ZDHHC11B: variants seen among roughly 807,000 people sequenced by gnomAD.
ZDHHC11B encodes zDHHC palmitoyltransferase 11B (putative).
A neutral mutation model predicts 42.3 loss-of-function variants in ZDHHC11B; 17 were observed. The observed-to-expected ratio is 0.40, with a 90% CI of 0.27 to 0.60. The LOEUF (loss-of-function observed/expected upper bound fraction) is 0.60. ZDHHC11B is among the 20% of genes least tolerant of loss of function. The pLI is 0.41. For synonymous variants in ZDHHC11B, 123 were observed against 193.5 expected (o/e 0.64, Z 3.02); for missense variants, 262 against 463.2 (o/e 0.57, Z 3.99).
At chr5:762,667 T>C (rs1734774272) in intron 4 of ZDHHC11B, among the ~76,000 whole-genome samples, 2 of 151,724 alleles carry the variant, frequency 1.3e-5, no homozygotes, top group Admixed American at 1.3e-4. Flanking sequence ...GTGCATGTGC[T>C]CACAGAAAAT....
intron 13 of ZDHHC11B, among the ~76,000 whole-genome samples, chr5:714,494 T>C (rs1377980476): frequency 2.3e-5 from 1 of 42,816 alleles, no homozygotes; most frequent in Non-Finnish European, 4.5e-5. Context: ...GTGGTGAATA[T>C]TTTTTTTTTT....
intron 3 of ZDHHC11B, 159 bp downstream of exon 3, chr5:767,233 T>G: frequency 1.1e-6 from 1 of 949,186 alleles, no homozygotes; most frequent in East Asian, 2.5e-5. Context: ...GTGGCAGACC[T>G]GGGTGGATGA....
chr5:748,820 T>C (rs1339835015), intron 7 of ZDHHC11B, among the ~76,000 whole-genome samples: 3 of 102,256 alleles, frequency 2.9e-5, no homozygotes, highest in Middle Eastern at 5.0e-3. Flanking sequence ...GGCTCCAGCA[T>C]CCACCCCTTC....
chr5:751,393 G>C (rs1452824296), intron 6 of ZDHHC11B, 136 bp from the exon 7 acceptor site: 1 of 203,034 alleles, frequency 4.9e-6, no homozygotes, highest in African/African-American at 2.3e-5. Context: ...ACAGCGGCAG[G>C]GGGCACGCAA....
chr5:726,085 C>T (rs1173894466), intron 12 of ZDHHC11B, among the ~76,000 whole-genome samples: 4 of 143,668 alleles, frequency 2.8e-5, no homozygotes, highest in African/African-American at 5.3e-5. Flanking sequence ...CACAGCAAAA[C>T]GCAGACCAGA....
intron 12 of ZDHHC11B, among the ~76,000 whole-genome samples, chr5:719,233 C>G (rs1458065994): frequency 4.0e-5 from 6 of 151,654 alleles, no homozygotes. Context: ...CATTATGATA[C>G]ACAGAATATC....
chr5:718,169 G>A (rs1333522493), intron 12 of ZDHHC11B, among the ~76,000 whole-genome samples: 1 of 151,828 alleles, frequency 6.6e-6, no homozygotes, highest in African/African-American at 2.4e-5. Flanking sequence ...AGGTTGGTGG[G>A]GAAGAATGTA....
At chr5:772,709 C>T (rs1736158734) in intron 1 of ZDHHC11B, among the ~76,000 whole-genome samples, 1 of 151,932 alleles carries the variant, frequency 6.6e-6, no homozygotes, top group South Asian at 2.1e-4. Flanking sequence ...AAAAGTGGAA[C>T]CCGTCCCAAC....
At chr5:754,616 T>TCCTTGAGCCTCCAC (rs1746356791) in intron 6 of ZDHHC11B, among the ~76,000 whole-genome samples, 1 of 94,306 alleles carries the variant, frequency 1.1e-5, no homozygotes, top group African/African-American at 3.8e-5. Flanking sequence ...ACACCTCTCG[T>TCCTTGAGCCTCCAC]CCATCTGCGC....
intron 10 of ZDHHC11B, among the ~76,000 whole-genome samples, chr5:739,568 C>A (rs1419345678): frequency 1.3e-5 from 2 of 148,708 alleles, no homozygotes; most frequent in Admixed American, 6.8e-5. Flanking sequence ...CAATGCAATA[C>A]CACCTTACTC....
intron 1 of ZDHHC11B, among the ~76,000 whole-genome samples, chr5:774,370 G>A (rs1158921167): frequency 1.3e-5 from 2 of 152,202 alleles, no homozygotes; most frequent in Non-Finnish European, 2.9e-5. Context: ...AGTAAGCGGG[G>A]CCAGGCACTA....
At chr5:776,336 C>T in intron 1 of ZDHHC11B, among the ~76,000 whole-genome samples, 1 of 151,868 alleles carries the variant, frequency 6.6e-6, no homozygotes, top group East Asian at 1.9e-4. Flanking sequence ...TCTGCAACGC[C>T]CAGTGCTCCA....
rs1342725210 is a variant in ZDHHC11B at position 730,588 on chromosome 5, A to C, written c.1024-120T>G. On this transcript the variant is annotated intron_variant, in intron 11 of 13. Transcript: ENST00000508859. ...AGTTCTGAGTAATGGTACTTCAAGA[A>C]TGCCTGGATCATGGAATAGGATCTC... 2.7e-6 allele frequency: 3 copies of C among 1,102,990 alleles called. 1 individual carries two copies. In the East Asian group the frequency reaches 9.0e-5, roughly 33 times the overall value. 68.3% of individuals were successfully genotyped at this position (1,102,990 alleles called of 1,614,324 possible).
At chr5:721,832 T>A (rs528213109) in intron 12 of ZDHHC11B, among the ~76,000 whole-genome samples, 1 of 151,840 alleles carries the variant, frequency 6.6e-6, no homozygotes, top group African/African-American at 2.4e-5. Context: ...CTTATTAAGC[T>A]ATGGGAAGTA....
chr5:712,461 G>C (rs532029683), intron 13 of ZDHHC11B, among the ~76,000 whole-genome samples, 179 bp from the exon 14 acceptor site: 15 of 143,270 alleles, frequency 1.0e-4, no homozygotes, highest in African/African-American at 2.9e-4. Context: ...GCTGGGTCTA[G>C]TGAGAGTCCT....
intron 12 of ZDHHC11B, among the ~76,000 whole-genome samples, chr5:726,583 C>T (rs935887888): frequency 4.9e-5 from 6 of 122,008 alleles, no homozygotes; most frequent in Admixed American, 1.6e-4. Context: ...CCATCTTTAA[C>T]GCAACAATGT....
chr5:729,999 T>G (rs1742894376), intron 12 of ZDHHC11B, among the ~76,000 whole-genome samples: 1 of 150,972 alleles, frequency 6.6e-6, no homozygotes, highest in South Asian at 2.1e-4. Flanking sequence ...TTCTTTCAGC[T>G]TTTTAGTTTG....
intron 12 of ZDHHC11B, among the ~76,000 whole-genome samples, chr5:717,168 C>A (rs1741813965): frequency 6.6e-6 from 1 of 151,222 alleles, no homozygotes; most frequent in South Asian, 2.1e-4. Flanking sequence ...GGATTTCCAG[C>A]ATGAAAAGTG....
chr5:764,853 T>G (rs1362052764), intron 4 of ZDHHC11B, among the ~76,000 whole-genome samples: 1 of 151,526 alleles, frequency 6.6e-6, no homozygotes, highest in Non-Finnish European at 1.5e-5. Flanking sequence ...AACCTTTATG[T>G]CTAGCTAAGG....
Sources: gnomAD v4.1 joint callset for allele counts (sites outside exome capture counted in the v4.1 genomes callset) on GRCh38, gnomAD v4.1.1 for gene constraint, MANE v1.5 for transcripts, NCBI Gene and HGNC (gene_info 2026-07-23, HGNC 2026-07-21) for gene names.